Variants in STK11IP observed in about 807,000 individuals in gnomAD.
The protein encoded by STK11IP is serine/threonine-protein kinase 11-interacting protein.
In STK11IP, 103 loss-of-function variants were observed where a neutral mutation model predicts 131.7. The ratio of observed to expected loss-of-function variants is 0.78; its 90% confidence interval spans 0.67 to 0.92. The LOEUF is 0.92. STK11IP is among the 40% of genes least tolerant of loss of function. The pLI, the probability that STK11IP is intolerant of heterozygous loss-of-function variation, is 0.00. For synonymous variants in STK11IP, 557 were observed against 575.6 expected (o/e 0.97, Z 0.46); for missense variants, 1,315 against 1,385.7 (o/e 0.95, Z 0.81).
chr2:219,602,505 C>T lies in STK11IP; in HGVS notation c.476C>T (p.Ala159Val). ...LSACGGDFCS[A>V]LPWLALLSAN... Reference sequence around the variant, plus strand: ...GCCTGCGGCGGCGACTTCTGCTCTGCCCTCCCTTGGCTGGCTCTGCTTTCT... The same window carrying T: ...GCCTGCGGCGGCGACTTCTGCTCTGTCCTCCCTTGGCTGGCTCTGCTTTCT... The change falls in exon 6 of 25, where the codon GCC becomes GTC. Residue 159 changes from alanine (A) to valine (V), a missense_variant. Ala to Val is a moderately conservative substitution (Grantham distance 64). Coordinates refer to ENST00000456909, the MANE Select transcript of STK11IP (RefSeq NM_052902.4). 6.2e-7 allele frequency: 1 copy of T among 1,614,018 alleles called. No individual in the cohort carries two copies. Among genetic ancestry groups the T allele is most frequent in the Non-Finnish European group, 8.5e-7 (1 of 1,179,896 alleles).
At chr2:219,608,553 T>C (rs976772926) in intron 14 of STK11IP, 30 bp from the exon 15 acceptor site, 35 of 1,556,094 alleles carry the variant, frequency 2.2e-5, no homozygotes, top group Non-Finnish European at 2.9e-5. Flanking sequence ...TTTCCCTCCC[T>C]GCAGGCCTTT....
chr2:219,609,287 G>A (rs759085049), intron 16 of STK11IP, 74 bp downstream of exon 16: 1 of 1,580,368 alleles, frequency 6.3e-7, no homozygotes, highest in East Asian at 2.3e-5. Flanking sequence ...CAGCAGGCCT[G>A]AGGGCCGGGG....
rs764905672 is a variant in STK11IP, at chr2:219,616,094, G to A, written c.3168G>A (p.Gln1056=). 7 of 1,613,900 alleles carry A rather than the reference G, an allele frequency of 4.3e-6. No homozygotes were observed. The highest frequency in any genetic ancestry group is 5.9e-6 in the Non-Finnish European group (7 of 1,179,890). ...CACTCCGTGTGGTGTGTCAGGAGCA[G>A]CTGACAGCCCTGCTTGCCTGGATCC... ...FWALRVVCQE[Q]LTALLAWIRE... Residue 1056 remains glutamine (Q), a synonymous_variant, in exon 25 of 25, where the codon CAG becomes CAA. Transcript: ENST00000456909.
chr2:219,598,028 G>C (rs567154471), intron 1 of STK11IP, 66 bp from the exon 2 acceptor site: 3 of 1,567,612 alleles, frequency 1.9e-6, no homozygotes, highest in African/African-American at 2.7e-5. Context: ...CGGTTTGCGC[G>C]GACGCCCTGG....
rs147553779 is a variant in STK11IP at position 219,607,967 on chromosome 2, C to T, written c.1220-80C>T. ...CATACACAGCCCATCGCCCCCTCAT[C>T]GCTGAGGAGCACCGTTGAAGGATTT... On this transcript the variant is annotated intron_variant, in intron 13 of 24. Transcript: ENST00000456909. 3,521 of 1,540,342 alleles carry T rather than the reference C, an allele frequency of 2.3e-3. 9 individuals carry two copies. Among genetic ancestry groups the T allele is most frequent in the Non-Finnish European group, 2.7e-3 (3,087 of 1,140,092 alleles).
chr2:219,604,672 T>C (rs1186015320), intron 7 of STK11IP, among the ~76,000 whole-genome samples: 2 of 152,192 alleles, frequency 1.3e-5, no homozygotes, highest in African/African-American at 4.8e-5. Flanking sequence ...TTGAGCTCTA[T>C]GTTTCTTTAG....
chr2:219,613,021 G>T, intron 19 of STK11IP, 107 bp from the exon 20 acceptor site: 2 of 773,552 alleles, frequency 2.6e-6, no homozygotes, highest in African/African-American at 1.7e-5. Context: ...TGGGTGGGCA[G>T]TGGGAGGGTC....
intron 17 of STK11IP, chr2:219,609,932 G>C: frequency 4.4e-6 from 1 of 229,838 alleles, no homozygotes; most frequent in East Asian, 9.6e-5. Context: ...GCCTCTGCCA[G>C]CAAGTGTAGC....
intron 21 of STK11IP, 84 bp from the exon 22 acceptor site, chr2:219,614,077 A>G (rs1451372515): frequency 2.6e-6 from 4 of 1,557,946 alleles, no homozygotes; most frequent in Non-Finnish European, 3.5e-6. Flanking sequence ...AGAAATGTGG[A>G]GAATAGGAAG....
chr2:219,608,425 T>G lies in STK11IP; in HGVS notation c.1598T>G (p.Val533Gly). The change falls in exon 14 of 25, where the codon GTG (valine) becomes GGG (glycine). Residue 533 changes from valine to glycine, a missense_variant. Coordinates refer to ENST00000456909, the MANE Select transcript of STK11IP (RefSeq NM_052902.4). ...EEEEEQDQKE[V>G]EAELCRPLLV... The stretch of plus-strand genomic sequence containing the variant: ...GAAGAGGAGCAGGACCAGAAGGAAG[T>G]GGAAGGTGAGCCCTTTGTGGGCTGG... 1 of 1,558,738 alleles carries G rather than the reference T, an allele frequency of 6.4e-7. No individual in the cohort carries two copies. Among genetic ancestry groups the G allele is most frequent in the Non-Finnish European group, 8.7e-7 (1 of 1,152,274 alleles).
chr2:219,602,414 G>A, intron 5 of STK11IP, 54 bp from the exon 6 acceptor site: 1 of 1,360,442 alleles, frequency 7.4e-7, no homozygotes. Flanking sequence ...GCTTGGCCTT[G>A]GCATAGGGAG....
At position 219,616,448 on chromosome 2, in the gene STK11IP, C is replaced by T; in HGVS notation, c.*255C>T. 1 of 456,504 alleles carries T rather than the reference C, an allele frequency of 2.2e-6. No homozygotes were observed. Among genetic ancestry groups the T allele is most frequent in the Non-Finnish European group, 4.0e-6 (1 of 251,520 alleles). 28.3% of individuals were successfully genotyped at this position (456,504 alleles called of 1,614,324 possible). A position where few individuals can be genotyped will look rare whatever the true frequency, so the allele number is the denominator to read the frequency against. ...GGTATCAATAAAGTTGTTTCCAACT[C>T]ATAGGTCATGTGTGGTACTTAGAGT... On this transcript the variant is annotated 3_prime_UTR_variant, in exon 25 of 25. Transcript: ENST00000456909.
At chr2:219,605,408 G>A (rs973369721) in intron 7 of STK11IP, 200 bp from the exon 8 acceptor site, 3 of 534,280 alleles carry the variant, frequency 5.6e-6, no homozygotes, top group Non-Finnish European at 1.0e-5. Flanking sequence ...TGCTCAGGGT[G>A]TGGCCTTGAA....
chr2:219,608,577 C>G lies in STK11IP; in HGVS notation c.1604-6C>G. 6.3e-7 allele frequency: 1 copy of G among 1,584,022 alleles called. No homozygotes were observed. The stretch of plus-strand genomic sequence containing the variant: ...CTGCAGGCCTTTTCTCTTGGTCTCT[C>G]CACAGCGGAACTCTGTCGCCCCTTG... On this transcript the variant is annotated splice_region_variant and splice_polypyrimidine_tract_variant and intron_variant, in intron 14 of 24. Transcript: ENST00000456909.
rs1012692224 is a variant in STK11IP, at chr2:219,615,294, C to T, written c.3070C>T (p.Leu1024Phe). 1.8e-5 allele frequency: 29 copies of T among 1,602,488 alleles called. No individual in the cohort carries two copies. The highest frequency in any genetic ancestry group is 2.5e-5 in the Non-Finnish European group (29 of 1,179,416). ...QPLSSLSSVL[L>F]YRSAPEDLRL... The stretch of plus-strand genomic sequence containing the variant: ...ACTCAGCAGCCTGAGCTCCGTGCTG[C>T]TCTACCGCTCAGCCCCTGAGGACTT... The change falls in exon 24 of 25, where the codon CTC becomes TTC. Residue 1024 changes from leucine to phenylalanine, a missense_variant. Coordinates refer to ENST00000456909, the MANE Select transcript of STK11IP (RefSeq NM_052902.4).
intron 8 of STK11IP, 54 bp from the exon 9 acceptor site, chr2:219,605,902 T>A: frequency 6.7e-7 from 1 of 1,499,414 alleles, no homozygotes; most frequent in Non-Finnish European, 9.1e-7. Context: ...TGCACCACAC[T>A]CACTTGCGTG....
Position 219,601,264 on chromosome 2 carries a change from C to A in STK11IP, c.91C>A (p.Leu31Met), listed in dbSNP as rs758645805. The A allele has an allele frequency of 1.9e-6, 3 of 1,613,972 alleles. No homozygotes were observed. The highest frequency in any genetic ancestry group is 1.7e-5 in the Admixed American group (1 of 60,028). The change falls in exon 3 of 25, where the codon CTG (leucine) becomes ATG (methionine). Residue 31 changes from leucine (L) to methionine (M), a missense_variant. By Grantham distance (15) the Leu-to-Met change is conservative (BLOSUM62 2). Transcript: ENST00000456909. ...GDVVLSGCSTLSLLTPTLQQL... is the reference protein window; with the variant it reads ...GDVVLSGCSTMSLLTPTLQQL... ...TGTGGTCCTGTCTGGCTGTAGCACC[C>A]TGAGCCTGCTGACTCCCACACTGCA... is the stretch of plus-strand genomic sequence containing the variant.
chr2:219,608,848 G>C (rs1341248590), intron 15 of STK11IP, 60 bp downstream of exon 15: 5 of 1,479,616 alleles, frequency 3.4e-6, no homozygotes, highest in Non-Finnish European at 4.5e-6. Context: ...GCTGTTGTGT[G>C]CCCTGCACTG....
Position 219,601,206 on chromosome 2 carries a change from T to G in STK11IP, c.62-29T>G, listed in dbSNP as rs763971622. 66 of 1,588,416 alleles carry G rather than the reference T, an allele frequency of 4.2e-5. No homozygotes were observed. The South Asian group carries it at 7.1e-4, about 17-fold the overall frequency. Reference sequence around the variant, plus strand: ...AAGAGAAAAATCTTTTCACTGTGTCTTCCCTCCTGTTTGCCCCTTTTTCTG... The same window carrying G: ...AAGAGAAAAATCTTTTCACTGTGTCGTCCCTCCTGTTTGCCCCTTTTTCTG... On this transcript the variant is annotated intron_variant, in intron 2 of 24. Transcript: ENST00000456909.
Sources: allele counts gnomAD v4.1 joint callset (sites outside exome capture counted in the v4.1 genomes callset), GRCh38; gene constraint gnomAD v4.1.1; transcripts MANE v1.5; gene names NCBI Gene and HGNC (gene_info 2026-07-23, HGNC 2026-07-21).